Variants in KIAA1217 observed in about 807,000 individuals in gnomAD.
KIAA1217 encodes KIAA1217.
KIAA1217 carries 88 observed loss-of-function variants against 163.9 expected under a neutral mutation model. The ratio of observed to expected loss-of-function variants is 0.54; its 90% CI spans 0.45 to 0.64. The LOEUF (loss-of-function observed/expected upper bound fraction) is 0.64. Ranked by LOEUF, KIAA1217 falls within the 30% of genes least tolerant of loss-of-function variation. KIAA1217 has a pLI of 0.00. For synonymous variants in KIAA1217, 903 were observed against 923.1 expected (o/e 0.98, Z 0.39); for missense variants, 2,372 against 2,475.0 (o/e 0.96, Z 0.88).
intron 1 of KIAA1217, among the ~76,000 whole-genome samples, chr10:23,927,617 G>A (rs1029445253): frequency 2.0e-5 from 3 of 152,142 alleles, no homozygotes; most frequent in Non-Finnish European, 4.4e-5. Context: ...ACAAAATGGT[G>A]ATGCACTAGG....
At chr10:24,380,189 G>A (rs769474798) in intron 2 of KIAA1217, among the ~76,000 whole-genome samples, 5 of 152,290 alleles carry the variant, frequency 3.3e-5, no homozygotes, top group Admixed American at 1.3e-4. Context: ...TCTAGGGTGC[G>A]TAGAAGAGTA....
rs142728425 is a variant in KIAA1217, at chr10:23,850,207, T to C, written c.-321+154973T>C. 4.1e-3 allele frequency among the ~76,000 whole-genome samples: 624 copies of C among 152,230 alleles called. 17 individuals carry two copies. The highest frequency in any genetic ancestry group is 0.029 in the Admixed American group (439 of 15,252). The stretch of plus-strand genomic sequence containing the variant: ...TCAGCAGCCTCTGAAAGAAACAGAA[T>C]AGTTCACTCCATGGTTAACATCTTC... On this transcript the variant is annotated intron_variant, in intron 1 of 18. Coordinates refer to the KIAA1217 transcript ENST00000376462.
chr10:24,141,714 C>T (rs1299618440), intron 2 of KIAA1217, among the ~76,000 whole-genome samples: 1 of 152,166 alleles, frequency 6.6e-6, no homozygotes, highest in Admixed American at 6.5e-5. Flanking sequence ...GCTTTGAAAT[C>T]ATAAACAATT....
intron 2 of KIAA1217, among the ~76,000 whole-genome samples, chr10:24,166,182 C>T (rs1325891992): frequency 6.6e-6 from 1 of 151,650 alleles, no homozygotes; most frequent in East Asian, 1.9e-4. Context: ...AAAAACACCA[C>T]CCTCATTTCC....
chr10:24,466,813 G>C, intron 5 of KIAA1217: 3 of 983,652 alleles, frequency 3.0e-6, no homozygotes, highest in Non-Finnish European at 3.6e-6. Flanking sequence ...AATTCTTTGA[G>C]GGTGAAAGAG....
At chr10:23,888,835 A>C (rs974730443) in intron 1 of KIAA1217, among the ~76,000 whole-genome samples, 1 of 151,870 alleles carries the variant, frequency 6.6e-6, no homozygotes, top group African/African-American at 2.4e-5. Context: ...TCTCTTGCAA[A>C]CTGTCAGCTA....
At chr10:24,213,123 T>C (rs1435703665) in intron 1 of KIAA1217, among the ~76,000 whole-genome samples, 1 of 152,174 alleles carries the variant, frequency 6.6e-6, no homozygotes, top group Non-Finnish European at 1.5e-5. Flanking sequence ...CAATGAAGCT[T>C]CCATGGCTGA....
chr10:24,472,595 A>G (rs1394693888), intron 5 of KIAA1217, among the ~76,000 whole-genome samples: 3 of 152,226 alleles, frequency 2.0e-5, no homozygotes, highest in South Asian at 2.1e-4. Flanking sequence ...AAGCTGTGAC[A>G]TTAAAATTTA....
At chr10:23,941,318 T>A (rs1843754930) in intron 1 of KIAA1217, among the ~76,000 whole-genome samples, 1 of 152,202 alleles carries the variant, frequency 6.6e-6, no homozygotes, top group Admixed American at 6.5e-5. Context: ...TGACGTAGAT[T>A]GGATTGAACA....
intron 2 of KIAA1217, among the ~76,000 whole-genome samples, chr10:24,143,354 C>T (rs148112274): frequency 3.9e-4 from 59 of 152,280 alleles, no homozygotes; most frequent in African/African-American, 1.4e-3. Context: ...GTAACCTCTG[C>T]CTCCCAGGTT....
At chr10:24,435,686 G>A (rs2131881958) in intron 4 of KIAA1217, among the ~76,000 whole-genome samples, 1 of 152,066 alleles carries the variant, frequency 6.6e-6, no homozygotes, top group South Asian at 2.1e-4. Context: ...ACATTGTTTG[G>A]GAAAGTCGAG....
At chr10:24,308,768 C>T (rs1590823210) in intron 2 of KIAA1217, among the ~76,000 whole-genome samples, 1 of 152,124 alleles carries the variant, frequency 6.6e-6, no homozygotes, top group South Asian at 2.1e-4. Flanking sequence ...CCCTTCGTTT[C>T]CTGTGTCCCT....
chr10:23,813,616 T>C (rs1028588345), intron 1 of KIAA1217, among the ~76,000 whole-genome samples: 11 of 152,184 alleles, frequency 7.2e-5, no homozygotes, highest in African/African-American at 2.7e-4. Flanking sequence ...ATGTATTTAA[T>C]TGTTTTTATA....
chr10:24,146,427 T>C (rs1346666051), intron 2 of KIAA1217, among the ~76,000 whole-genome samples: 2 of 152,206 alleles, frequency 1.3e-5, no homozygotes, highest in African/African-American at 4.8e-5. Context: ...GAGTCCTTAA[T>C]TGGACACAAT....
intron 1 of KIAA1217, among the ~76,000 whole-genome samples, chr10:23,887,884 C>G (rs547291817): frequency 6.6e-6 from 1 of 151,748 alleles, no homozygotes; most frequent in East Asian, 2.0e-4. Context: ...TTGAAAAACC[C>G]AAAATAAATA....
intron 2 of KIAA1217, among the ~76,000 whole-genome samples, chr10:24,287,432 A>T (rs1425309670): frequency 6.6e-6 from 1 of 152,154 alleles, no homozygotes; most frequent in Non-Finnish European, 1.5e-5. Flanking sequence ...CTTTGAAAAA[A>T]CTTAGGCCGA....
chr10:24,099,586 T>TATATTATA (rs1306527831), intron 2 of KIAA1217, among the ~76,000 whole-genome samples: 40 of 143,444 alleles, frequency 2.8e-4, no homozygotes, highest in African/African-American at 1.0e-3. Context: ...TATATATATA[T>TATATTATA]TATATATATA....
chr10:24,383,865 AC>A (rs1346823355), intron 3 of KIAA1217, among the ~76,000 whole-genome samples: 2 of 152,198 alleles, frequency 1.3e-5, no homozygotes, highest in South Asian at 2.1e-4. Flanking sequence ...TTGAGCCTGG[AC>A]GGGAAATAAA....
At chr10:24,075,526 T>C (rs1564670200) in intron 2 of KIAA1217, among the ~76,000 whole-genome samples, 1 of 152,190 alleles carries the variant, frequency 6.6e-6, no homozygotes, top group Non-Finnish European at 1.5e-5. Flanking sequence ...CTGATCATTT[T>C]ATGTTTATAT....
Sources: allele counts gnomAD v4.1 joint callset (sites outside exome capture counted in the v4.1 genomes callset), GRCh38; gene constraint gnomAD v4.1.1; transcripts MANE v1.5; gene names NCBI Gene and HGNC (gene_info 2026-07-23, HGNC 2026-07-21).